The following EXOC6 variants were observed in gnomAD, a reference collection of about 807,000 sequenced individuals.
EXOC6 encodes exocyst complex component 6, also known as SEC15-like 1.
In EXOC6, 60 loss-of-function variants were observed where a neutral mutation model predicts 112.5. The ratio of observed to expected loss-of-function variants is 0.53; its 90% CI spans 0.43 to 0.66. EXOC6 has a LOEUF of 0.66. EXOC6 is among the 30% of genes least tolerant of loss of function. The pLI, the probability that EXOC6 is intolerant of heterozygous loss-of-function variation, is 0.00. For missense variants in EXOC6, 855 were observed against 957.1 expected, an observed-to-expected ratio of 0.89 and a Z score of 1.41; for synonymous variants, 295 against 308.0, an observed-to-expected ratio of 0.96 and a Z score of 0.44.
chr10:93,048,449 A>G (rs1846110243), intron 20 of EXOC6, among the ~76,000 whole-genome samples: 1 of 152,006 alleles, frequency 6.6e-6, no homozygotes, highest in African/African-American at 2.4e-5. Context: ...CTGTAATCCC[A>G]GCACTTTGGT....
At chr10:92,928,961 A>T (rs1851872878) in intron 9 of EXOC6, among the ~76,000 whole-genome samples, 1 of 152,248 alleles carries the variant, frequency 6.6e-6, no homozygotes, top group Admixed American at 6.5e-5. Context: ...CAAAACAGGA[A>T]AACCCAAATG....
chr10:93,011,370 C>T (rs1044561083), intron 19 of EXOC6, among the ~76,000 whole-genome samples: 1 of 152,012 alleles, frequency 6.6e-6, no homozygotes, highest in African/African-American at 2.4e-5. Flanking sequence ...GATCCTCCTG[C>T]CCTAGCCTCC....
At chr10:92,861,517 C>CT (rs1847911502) in intron 1 of EXOC6, among the ~76,000 whole-genome samples, 1 of 152,114 alleles carries the variant, frequency 6.6e-6, no homozygotes, top group Admixed American at 6.5e-5. Context: ...AGCCCTTATT[C>CT]TCTCTGCCAT....
intron 17 of EXOC6, among the ~76,000 whole-genome samples, chr10:92,958,079 TTA>T (rs1227834450): frequency 2.6e-5 from 4 of 152,204 alleles, no homozygotes; most frequent in Non-Finnish European, 5.9e-5. Context: ...TCATAAGTAT[TTA>T]TGTTATGAAA....
chr10:92,929,986 T>C (rs1375594118), intron 9 of EXOC6, among the ~76,000 whole-genome samples: 3 of 152,164 alleles, frequency 2.0e-5, no homozygotes, highest in East Asian at 1.9e-4. Flanking sequence ...GAATCCCAGG[T>C]ACCTTAAATA....
intron 8 of EXOC6, among the ~76,000 whole-genome samples, 163 bp from the exon 9 acceptor site, chr10:92,928,176 A>G (rs1851827807): frequency 6.6e-6 from 1 of 152,234 alleles, no homozygotes; most frequent in South Asian, 2.1e-4. Flanking sequence ...ACTATCTTTA[A>G]ACTATAATGG....
At chr10:92,829,633 T>G (rs1846441719) in intron 1 of EXOC6, among the ~76,000 whole-genome samples, 1 of 152,216 alleles carries the variant, frequency 6.6e-6, no homozygotes, top group African/African-American at 2.4e-5. Flanking sequence ...CAGAAGCATT[T>G]GAATCAGAGT....
intron 1 of EXOC6, among the ~76,000 whole-genome samples, chr10:92,857,658 A>G (rs1847666802): frequency 6.6e-6 from 1 of 152,200 alleles, no homozygotes; most frequent in South Asian, 2.1e-4. Context: ...TATATGTTGC[A>G]TGCCACCAAT....
At chr10:92,970,243 A>T (rs1480844150) in intron 17 of EXOC6, among the ~76,000 whole-genome samples, 3 of 152,204 alleles carry the variant, frequency 2.0e-5, no homozygotes, top group Admixed American at 2.0e-4. Context: ...AATATTTGGA[A>T]GAAAAAATGC....
chr10:93,025,146 A>AT (rs1043252799), intron 20 of EXOC6, among the ~76,000 whole-genome samples: 14 of 152,096 alleles, frequency 9.2e-5, no homozygotes, highest in African/African-American at 2.4e-4. Flanking sequence ...TTTAAAAATA[A>AT]TTTTTTTTAA....
chr10:92,988,203 T>C (rs192194550), intron 18 of EXOC6, among the ~76,000 whole-genome samples: 4 of 152,330 alleles, frequency 2.6e-5, no homozygotes, highest in East Asian at 1.9e-4. Flanking sequence ...AGCCCAGTAT[T>C]GGTCTTCTGA....
rs1385614761 is a variant in EXOC6, at chr10:92,928,507, G to A, written c.972+85G>A. 5.2e-6 allele frequency: 4 copies of A among 770,824 alleles called. No homozygotes were observed. The African/African-American group carries it at 7.0e-5, about 14-fold the overall frequency. 47.7% of individuals were successfully genotyped at this position (770,824 alleles called of 1,614,324 possible). ...TAATTTCTTCAAAGCATGTATCACTGTTCATTCAACTACAAATATTTATTG... is the reference window on the plus strand; with the variant it reads ...TAATTTCTTCAAAGCATGTATCACTATTCATTCAACTACAAATATTTATTG... On this transcript the variant is annotated intron_variant, in intron 9 of 21. Coordinates refer to ENST00000260762, the MANE Select transcript of EXOC6 (RefSeq NM_019053.6).
rs869229626 is a variant in EXOC6, at chr10:92,885,382, C to CT, written c.102-7953dup. On this transcript the variant is annotated intron_variant, in intron 1 of 21. Transcript: ENST00000260762. ...GTTCACATGAAGGTTAAAGTCAGCT[C>CT]TTTTTTTTTTTTTTGAGATGGGAGT... 9.4e-3 allele frequency among the ~76,000 whole-genome samples: 1,331 copies of CT among 142,250 alleles called. 10 individuals carry two copies. The highest frequency in any genetic ancestry group is 0.026 in the African/African-American group (1,027 of 39,000). The allele number at this position is 142,250 out of a possible 152,430, so 93.3% of individuals were successfully genotyped here.
At chr10:92,999,203 CT>C (rs768506467) in intron 19 of EXOC6, 31,116 of 326,688 alleles carry the variant, frequency 0.095, 129 homozygotes, top group South Asian at 0.14. Context: ...CTAAGAAACA[CT>C]TTTTTTTTTT....
chr10:92,954,714 T>C lies in EXOC6; in HGVS notation c.1611T>C (p.Ile537=). Residue 537 remains isoleucine, a synonymous_variant, in exon 16 of 22, where the codon ATT becomes ATC. Coordinates refer to ENST00000260762, the MANE Select transcript of EXOC6 (RefSeq NM_019053.6). ...RTLSSCLLNL[I]RKPHIGLTEL... ...TGAGTAGCTGTTTACTGAACCTTAT[T>C]AGAAAACCTCATATAGGTTTGACAG... 4.4e-6 allele frequency: 7 copies of C among 1,593,434 alleles called. No individual in the cohort carries two copies. Among genetic ancestry groups the C allele is most frequent in the East Asian group, 2.2e-5 (1 of 44,672 alleles).
rs1172899886 is a variant in EXOC6 at position 92,879,541 on chromosome 10, C to T, written c.102-13808C>T. ...TTCATTCAGTAATTTCAGTATTATC[C>T]TCATATATGACATCTAACATGAATA... On this transcript the variant is annotated intron_variant, in intron 1 of 21. Coordinates refer to ENST00000260762, the MANE Select transcript of EXOC6 (RefSeq NM_019053.6). Among the ~76,000 whole-genome samples, 4 of 151,996 alleles carry T rather than the reference C, an allele frequency of 2.6e-5. No individual in the cohort carries two copies. In the East Asian group the frequency reaches 5.8e-4, roughly 22 times the overall value.
chr10:93,008,317 C>T (rs1844087332), intron 19 of EXOC6, among the ~76,000 whole-genome samples: 2 of 152,140 alleles, frequency 1.3e-5, no homozygotes, highest in Admixed American at 6.5e-5. Flanking sequence ...GATTTGGAAT[C>T]TCTTAAAAAA....
Position 92,868,179 on chromosome 10 carries a change from T to G in EXOC6, c.101+19545T>G, listed in dbSNP as rs560964398. Among the ~76,000 whole-genome samples, 5 of 152,232 alleles carry G rather than the reference T, an allele frequency of 3.3e-5. 1 individual carries two copies. In the East Asian group the frequency reaches 5.8e-4, roughly 18 times the overall value. Reference sequence around the variant, plus strand: ...GGAGTTATAGGGGAGTCCACCCATGTTTTCTTTTGGTACTTGTATGGTGTT... The same window carrying G: ...GGAGTTATAGGGGAGTCCACCCATGGTTTCTTTTGGTACTTGTATGGTGTT... On this transcript the variant is annotated intron_variant, in intron 1 of 21. Coordinates refer to ENST00000260762, the MANE Select transcript of EXOC6 (RefSeq NM_019053.6).
chr10:92,990,469 G>A (rs1165287169), intron 18 of EXOC6, among the ~76,000 whole-genome samples: 1 of 152,162 alleles, frequency 6.6e-6, no homozygotes, highest in African/African-American at 2.4e-5. Context: ...GAAACAACAC[G>A]AGAGTTTTAG....
Sources: allele counts gnomAD v4.1 joint callset (sites outside exome capture counted in the v4.1 genomes callset), GRCh38; gene constraint gnomAD v4.1.1; transcripts MANE v1.5; gene names NCBI Gene and HGNC (gene_info 2026-07-23, HGNC 2026-07-21).